The following SLC30A6 variants were observed in gnomAD, a reference collection of about 807,000 sequenced individuals.
SLC30A6 encodes zinc transporter 6.
A neutral mutation model predicts 63.0 loss-of-function variants in SLC30A6; 55 were observed. The observed-to-expected ratio is 0.87, with a 90% CI of 0.70 to 1.09. The LOEUF is 1.09. Ranked by LOEUF, SLC30A6 falls within the 50% of genes least tolerant of loss-of-function variation. SLC30A6 has a pLI of 0.00. For missense variants in SLC30A6, 587 were observed against 549.2 expected (o/e 1.07, Z -0.69); for synonymous variants, 224 against 186.1 (o/e 1.20, Z -1.66).
chr2:32,191,435 T>C (rs1328696645), intron 5 of SLC30A6, among the ~76,000 whole-genome samples: 1 of 152,230 alleles, frequency 6.6e-6, no homozygotes, highest in Non-Finnish European at 1.5e-5. Context: ...TCCGTGATTA[T>C]TTTCTTGAAA....
At chr2:32,173,003 A>G (rs1156396296) in intron 2 of SLC30A6, among the ~76,000 whole-genome samples, 3 of 152,194 alleles carry the variant, frequency 2.0e-5, no homozygotes, top group Non-Finnish European at 2.9e-5. Context: ...TATAAAGGCA[A>G]TCCTTTCACT....
intron 11 of SLC30A6, among the ~76,000 whole-genome samples, chr2:32,205,325 G>A (rs552532563): frequency 6.6e-6 from 1 of 152,174 alleles, no homozygotes; most frequent in African/African-American, 2.4e-5. Context: ...GGAGACTGAG[G>A]CAGGAGAATT....
At chr2:32,183,607 G>C (rs1682539431) in intron 4 of SLC30A6, among the ~76,000 whole-genome samples, 2 of 148,274 alleles carry the variant, frequency 1.3e-5, no homozygotes, top group African/African-American at 5.0e-5. Context: ...ACAATCACTT[G>C]AACCTGGAAG....
At chr2:32,175,056 A>C (rs1338293665) in intron 3 of SLC30A6, among the ~76,000 whole-genome samples, 1 of 152,196 alleles carries the variant, frequency 6.6e-6, no homozygotes, top group Non-Finnish European at 1.5e-5. Flanking sequence ...AGCAGGCAGA[A>C]AAATGGTAAC....
chr2:32,220,058 C>A (rs540943966), intron 13 of SLC30A6, among the ~76,000 whole-genome samples, 155 bp from the exon 14 acceptor site: 51 of 152,180 alleles, frequency 3.4e-4, no homozygotes, highest in African/African-American at 1.2e-3. Flanking sequence ...ATGATAATCA[C>A]CAGCAAGTAG....
chr2:32,182,327 A>T (rs115614880), intron 4 of SLC30A6, among the ~76,000 whole-genome samples: 71 of 152,262 alleles, frequency 4.7e-4, no homozygotes, highest in African/African-American at 1.7e-3. Context: ...ACCAACCTAG[A>T]TTATTTGCTG....
chr2:32,192,658 C>A (rs188127010), intron 6 of SLC30A6, among the ~76,000 whole-genome samples: 1 of 152,028 alleles, frequency 6.6e-6, no homozygotes, highest in Non-Finnish European at 1.5e-5. Flanking sequence ...TTCAGTCAGG[C>A]ATGTTTGATG....
intron 1 of SLC30A6, 104 bp downstream of exon 1, chr2:32,166,007 C>G: frequency 1.3e-6 from 2 of 1,523,610 alleles, no homozygotes; most frequent in Non-Finnish European, 1.8e-6. Context: ...GAGGAGGGGT[C>G]ATTGGAGTTG....
chr2:32,203,231 C>T (rs192573163), intron 10 of SLC30A6: 46 of 1,032,738 alleles, frequency 4.5e-5, no homozygotes, highest in East Asian at 3.5e-4. Context: ...TCGTTCTGGA[C>T]GCACAGGTAG....
In SLC30A6 at chr2:32,224,211, ATACT is replaced by A. The variant is rs1686295741; in HGVS notation, c.*3499_*3502del. 1 of 337,596 alleles carries A rather than the reference ATACT, an allele frequency of 3.0e-6. No individual in the cohort carries two copies. The highest frequency in any genetic ancestry group is 5.4e-6 in the Non-Finnish European group (1 of 186,452). The allele number at this position is 337,596 out of a possible 1,614,324, so 20.9% of individuals were successfully genotyped here. On this transcript the variant is annotated 3_prime_UTR_variant, in exon 14 of 14. Transcript: ENST00000282587. The stretch of plus-strand genomic sequence containing the variant: ...GAGAATCTCTTACATGCCAGGCACT[ATACT>A]AAGTTAATATGCATTCAGTATACCA...
chr2:32,191,566 A>G (rs1683322771), intron 5 of SLC30A6, among the ~76,000 whole-genome samples: 1 of 152,264 alleles, frequency 6.6e-6, no homozygotes, highest in Non-Finnish European at 1.5e-5. Flanking sequence ...AAATATATTC[A>G]TAATTCACTG....
At position 32,220,285 on chromosome 2, in the gene SLC30A6, C is replaced by T. The variant is rs1479284919; in HGVS notation, c.958C>T (p.Leu320=). ...GGTTCTTGCTCATGTGACCAACAGG[C>T]TGTACACTCTAGTGTCTACTCTAAC... The part of the protein sequence containing the change: ...QMVLAHVTNR[L]YTLVSTLTVQ... The change falls in exon 14 of 14, where the codon CTG becomes TTG. Residue 320 remains leucine (L), a synonymous_variant. Transcript: ENST00000282587. The T allele has an allele frequency of 6.2e-7, 1 of 1,614,200 alleles. No individual in the cohort carries two copies. The highest frequency in any genetic ancestry group is 2.2e-5 in the East Asian group (1 of 44,886).
intron 5 of SLC30A6, among the ~76,000 whole-genome samples, chr2:32,190,071 T>C (rs960636331): frequency 6.6e-6 from 1 of 152,222 alleles, no homozygotes; most frequent in Non-Finnish European, 1.5e-5. Flanking sequence ...TTCCTGTTTT[T>C]CTGTATTAAT....
At position 32,175,235 on chromosome 2, in the gene SLC30A6, C is replaced by T. The variant is rs566863497; in HGVS notation, c.176-84C>T. 15 of 1,310,158 alleles carry T rather than the reference C, an allele frequency of 1.1e-5. No homozygotes were observed. In the South Asian group the frequency reaches 1.6e-4, roughly 14 times the overall value. 81.2% of individuals were successfully genotyped at this position (1,310,158 alleles called of 1,614,324 possible). A position where few individuals can be genotyped will look rare whatever the true frequency, so the allele number is the denominator to read the frequency against. ...AAAAGTTTTTTTGATAATGGATACCCCTGGTAGAAATAATTTTGGTAACTT... is the reference window on the plus strand; with the variant it reads ...AAAAGTTTTTTTGATAATGGATACCTCTGGTAGAAATAATTTTGGTAACTT... On this transcript the variant is annotated intron_variant, in intron 3 of 13. Coordinates refer to ENST00000282587, the MANE Select transcript of SLC30A6 (RefSeq NM_017964.5).
At chr2:32,193,049 G>A (rs1683478100) in intron 7 of SLC30A6, 96 bp downstream of exon 7, 9 of 781,960 alleles carry the variant, frequency 1.2e-5, no homozygotes, top group Admixed American at 2.7e-5. Flanking sequence ...TTCAGACTGT[G>A]GCAACATAAC....
chr2:32,193,052 A>G, intron 7 of SLC30A6, 99 bp downstream of exon 7: 1 of 758,526 alleles, frequency 1.3e-6, no homozygotes, highest in Non-Finnish European at 2.1e-6. Context: ...AGACTGTGGC[A>G]ACATAACGTT....
intron 12 of SLC30A6, among the ~76,000 whole-genome samples, chr2:32,208,348 C>T (rs1286123795): frequency 1.3e-5 from 2 of 151,986 alleles, no homozygotes; most frequent in East Asian, 1.9e-4. Flanking sequence ...CCAGGCTGGT[C>T]TCGAACTCCT....
At chr2:32,215,341 C>T (rs534421681) in intron 13 of SLC30A6, among the ~76,000 whole-genome samples, 184 of 151,590 alleles carry the variant, frequency 1.2e-3, no homozygotes, top group Middle Eastern at 3.4e-3. Flanking sequence ...ACTATAGGCG[C>T]GCACCACCAC....
chr2:32,204,868 C>T (rs1310002821), intron 11 of SLC30A6, among the ~76,000 whole-genome samples, 176 bp downstream of exon 11: 1 of 141,452 alleles, frequency 7.1e-6, no homozygotes, highest in African/African-American at 2.7e-5. Flanking sequence ...GACTGGAGTA[C>T]AGTGGTGGGA....
Sources: gnomAD v4.1 joint callset for allele counts (sites outside exome capture counted in the v4.1 genomes callset) on GRCh38, gnomAD v4.1.1 for gene constraint, MANE v1.5 for transcripts, NCBI Gene and HGNC (gene_info 2026-07-23, HGNC 2026-07-21) for gene names.